Variants in PRKG1 observed in about 807,000 individuals in gnomAD.
PRKG1 encodes the protein cGMP-dependent protein kinase 1.
A neutral mutation model predicts 88.1 loss-of-function variants in PRKG1; 35 were observed. That is an observed-to-expected ratio of 0.40 (90% CI 0.30 to 0.53). PRKG1 has a LOEUF of 0.53. Among genes scored for constraint, PRKG1 ranks in the 20% least tolerant of loss-of-function variants. The pLI, the probability that PRKG1 is intolerant of heterozygous loss-of-function variation, is 0.59. For synonymous variants in PRKG1, 303 were observed against 292.5 expected, an observed-to-expected ratio of 1.04 and a Z score of -0.37; for missense variants, 540 against 839.8, an observed-to-expected ratio of 0.64 and a Z score of 4.41.
At chr10:51,489,492 C>A (rs2132866953) in intron 3 of PRKG1, among the ~76,000 whole-genome samples, 1 of 152,236 alleles carries the variant, frequency 6.6e-6, no homozygotes, top group African/African-American at 2.4e-5. Flanking sequence ...ATTATCAGAC[C>A]CCACCCAAGA....
At chr10:51,678,746 G>T (rs1672927207) in intron 3 of PRKG1, among the ~76,000 whole-genome samples, 1 of 152,144 alleles carries the variant, frequency 6.6e-6, no homozygotes, top group East Asian at 1.9e-4. Flanking sequence ...GAGGCAGCTG[G>T]TTCAAGCTGC....
chr10:51,503,073 T>C (rs955332894), intron 3 of PRKG1, among the ~76,000 whole-genome samples: 1 of 152,134 alleles, frequency 6.6e-6, no homozygotes, highest in African/African-American at 2.4e-5. Context: ...AATCATCATG[T>C]AGGTCATACT....
chr10:51,272,150 G>C (rs748659498), intron 2 of PRKG1, among the ~76,000 whole-genome samples: 40 of 152,246 alleles, frequency 2.6e-4, no homozygotes, highest in Non-Finnish European at 4.7e-4. Flanking sequence ...GTTTTGATTT[G>C]CATTTCTCTA....
chr10:51,047,930 C>T (rs184706527), intron 1 of PRKG1, among the ~76,000 whole-genome samples: 8 of 152,222 alleles, frequency 5.3e-5, no homozygotes, highest in East Asian at 3.9e-4. Context: ...AATATCTCTG[C>T]GGTTCCTGTA....
intron 3 of PRKG1, among the ~76,000 whole-genome samples, chr10:51,560,171 C>A (rs754479903): frequency 6.6e-6 from 1 of 152,030 alleles, no homozygotes; most frequent in Non-Finnish European, 1.5e-5. Flanking sequence ...ACTCATTCCC[C>A]TTTTGGTGGG....
rs180771536 is a variant in PRKG1 at position 52,131,791 on chromosome 10, G to A, written c.936-2049G>A. Among the ~76,000 whole-genome samples, 207 of 130,616 alleles carry A rather than the reference G, an allele frequency of 1.6e-3. 1 individual carries two copies. Among genetic ancestry groups the A allele is most frequent in the South Asian group, 1.8e-3 (7 of 3,966 alleles). 85.7% of individuals were successfully genotyped at this position (130,616 alleles called of 152,430 possible). ...GAGCCGAGTGCTACTGCACTCCAGCGTGGGCAACAAGAGCGAAACTCCATC... is the reference window on the plus strand; with the variant it reads ...GAGCCGAGTGCTACTGCACTCCAGCATGGGCAACAAGAGCGAAACTCCATC... On this transcript the variant is annotated intron_variant, in intron 7 of 17. Coordinates refer to ENST00000373980, the MANE Select transcript of PRKG1 (RefSeq NM_006258.4).
At chr10:51,850,395 G>C (rs185019996) in intron 4 of PRKG1, among the ~76,000 whole-genome samples, 1 of 151,884 alleles carries the variant, frequency 6.6e-6, no homozygotes, top group East Asian at 1.9e-4. Context: ...CAGGTTGGTC[G>C]CAAATTCCTG....
chr10:51,699,493 G>A (rs1841404315), intron 3 of PRKG1: 3 of 1,613,148 alleles, frequency 1.9e-6, no homozygotes, highest in Admixed American at 1.7e-5. Context: ...TGTTCCCCAC[G>A]AACACGGAAC....
chr10:52,258,622 C>T (rs1056206471), intron 10 of PRKG1, among the ~76,000 whole-genome samples: 2 of 151,964 alleles, frequency 1.3e-5, no homozygotes, highest in Admixed American at 6.6e-5. Flanking sequence ...ATAATGGGTA[C>T]ATCATATTAG....
At chr10:51,478,733 A>C (rs1840271360) in intron 3 of PRKG1, among the ~76,000 whole-genome samples, 1 of 114,294 alleles carries the variant, frequency 8.7e-6, no homozygotes, top group Admixed American at 9.2e-5. Flanking sequence ...CATGAAGCAG[A>C]GTGAGATACT....
rs141480912 is a variant in PRKG1, at chr10:52,074,087, C to A, written c.935+11456C>A. ...AATCTTGCTAATGTTTTAGTGTGTA[C>A]CTTAGACTCAAGTATGCCTAAATTC... On this transcript the variant is annotated intron_variant, in intron 7 of 17. Transcript: ENST00000373980. Among the ~76,000 whole-genome samples, 1,095 of 152,234 alleles carry A rather than the reference C, an allele frequency of 7.2e-3. 15 individuals carry two copies. Among genetic ancestry groups the A allele is most frequent in the African/African-American group, 0.025 (1,043 of 41,542 alleles).
chr10:52,032,997 GT>G (rs1564438915), intron 5 of PRKG1, among the ~76,000 whole-genome samples: 1 of 152,134 alleles, frequency 6.6e-6, no homozygotes, highest in African/African-American at 2.4e-5. Context: ...TCACTACTTT[GT>G]TAAATTTTTT....
chr10:51,804,309 A>T (rs1839249020), intron 3 of PRKG1, among the ~76,000 whole-genome samples: 1 of 152,140 alleles, frequency 6.6e-6, no homozygotes, highest in Admixed American at 6.6e-5. Flanking sequence ...GGGCTTAGAC[A>T]ATCAACCCCC....
intron 3 of PRKG1, among the ~76,000 whole-genome samples, chr10:51,561,772 C>T (rs1394413024): frequency 6.6e-6 from 1 of 152,068 alleles, no homozygotes; most frequent in Non-Finnish European, 1.5e-5. Flanking sequence ...AGATTCAGTA[C>T]TTAAATCCAA....
At chr10:51,455,637 C>G (rs1308023292) in intron 2 of PRKG1, among the ~76,000 whole-genome samples, 1 of 152,216 alleles carries the variant, frequency 6.6e-6, no homozygotes, top group Non-Finnish European at 1.5e-5. Flanking sequence ...CCACCAATCT[C>G]TTTGCTAAAA....
chr10:51,000,606 A>C (rs1043879962), intron 1 of PRKG1, among the ~76,000 whole-genome samples: 1 of 152,344 alleles, frequency 6.6e-6, no homozygotes, highest in African/African-American at 2.4e-5. Context: ...GGATGCTTCT[A>C]TGTGGTAGAG....
chr10:51,936,860 A>G (rs1446969601), intron 5 of PRKG1, among the ~76,000 whole-genome samples: 1 of 152,048 alleles, frequency 6.6e-6, no homozygotes, highest in African/African-American at 2.4e-5. Context: ...TATGACATTC[A>G]TATTAGAAAC....
intron 2 of PRKG1, among the ~76,000 whole-genome samples, chr10:51,278,581 T>C (rs1840199992): frequency 6.6e-6 from 1 of 152,182 alleles, no homozygotes; most frequent in Non-Finnish European, 1.5e-5. Context: ...ATCCATCTGG[T>C]CCTGGACTTT....
intron 2 of PRKG1, among the ~76,000 whole-genome samples, chr10:51,311,053 A>G (rs1841172768): frequency 6.6e-6 from 1 of 152,070 alleles, no homozygotes; most frequent in Non-Finnish European, 1.5e-5. Flanking sequence ...AAAGGTCACT[A>G]TGGGTGCAGA....
Sources: gnomAD v4.1 joint callset for allele counts (sites outside exome capture counted in the v4.1 genomes callset) on GRCh38, gnomAD v4.1.1 for gene constraint, MANE v1.5 for transcripts, NCBI Gene and HGNC (gene_info 2026-07-23, HGNC 2026-07-21) for gene names.